ANKRD13C: variants seen among roughly 807,000 people sequenced by gnomAD.
ANKRD13C encodes ankyrin repeat domain-containing protein 13C.
Under a neutral mutation model 65.5 loss-of-function variants are expected in ANKRD13C, and 16 were observed. That is an observed-to-expected ratio of 0.24 (90% CI 0.17 to 0.37). The LOEUF (loss-of-function observed/expected upper bound fraction) is 0.37. Among genes scored for constraint, ANKRD13C ranks in the 10% least tolerant of loss-of-function variants. The pLI is 1.00. For missense variants in ANKRD13C, 503 were observed against 655.9 expected (o/e 0.77, Z 2.55); for synonymous variants, 235 against 238.7 (o/e 0.98, Z 0.14).
At chr1:70,283,754 G>A (rs1210373517) in intron 9 of ANKRD13C, among the ~76,000 whole-genome samples, 1 of 151,974 alleles carries the variant, frequency 6.6e-6, no homozygotes, top group Non-Finnish European at 1.5e-5. Context: ...GTTGCAGTGA[G>A]CTGAGATCAC....
intron 12 of ANKRD13C, among the ~76,000 whole-genome samples, chr1:70,264,459 G>C (rs1395909035): frequency 1.8e-5 from 2 of 110,328 alleles, no homozygotes; most frequent in Non-Finnish European, 3.4e-5. Flanking sequence ...CTGGGGAACA[G>C]AGCAAGACTC....
At chr1:70,309,440 CG>C (rs1431528731) in intron 5 of ANKRD13C, among the ~76,000 whole-genome samples, 1 of 147,884 alleles carries the variant, frequency 6.8e-6, no homozygotes, top group Non-Finnish European at 1.5e-5. Flanking sequence ...AATAATAGGC[CG>C]GGCGCGGTGG....
At chr1:70,273,848 G>T (rs1433217854) in intron 11 of ANKRD13C, among the ~76,000 whole-genome samples, 1 of 151,706 alleles carries the variant, frequency 6.6e-6, no homozygotes, top group Non-Finnish European at 1.5e-5. Flanking sequence ...TAGAGATAGG[G>T]TTTCACCACG....
chr1:70,354,203 G>C lies in ANKRD13C; in HGVS notation c.206C>G (p.Ser69Cys). The C allele has an allele frequency of 6.2e-7, 1 of 1,613,836 alleles. No homozygotes were observed. Among genetic ancestry groups the C allele is most frequent in the Non-Finnish European group, 8.5e-7 (1 of 1,180,036 alleles). The change falls in exon 1 of 13, where the codon TCC (serine) becomes TGC (cysteine). Residue 69 changes from serine (S) to cysteine (C), a missense_variant. Transcript: ENST00000370944. ...AGCCGGGGCGCCGGGGGGATTGGAG[G>C]AGGCCGGAGCTGCCTTCAGCTGTAG... is the stretch of plus-strand genomic sequence containing the variant. ...HRLQLKAAPASSNPPGAPALP... is the reference protein window; with the variant it reads ...HRLQLKAAPACSNPPGAPALP...
At chr1:70,342,406 CG>C (rs1558313847) in intron 1 of ANKRD13C, among the ~76,000 whole-genome samples, 1 of 151,950 alleles carries the variant, frequency 6.6e-6, no homozygotes, top group Non-Finnish European at 1.5e-5. Context: ...GGCATGGTGG[CG>C]CATGCCTATA....
chr1:70,352,921 C>T (rs759214196), intron 1 of ANKRD13C, among the ~76,000 whole-genome samples: 7 of 152,114 alleles, frequency 4.6e-5, no homozygotes, highest in Non-Finnish European at 7.4e-5. Flanking sequence ...AAATCTTACT[C>T]GTTTTTTTTA....
chr1:70,278,664 G>A (rs1679250241), intron 9 of ANKRD13C, among the ~76,000 whole-genome samples: 1 of 151,856 alleles, frequency 6.6e-6, no homozygotes, highest in Admixed American at 6.6e-5. Flanking sequence ...ACATTGAGAG[G>A]GTCTCATTCA....
At chr1:70,297,915 CAAA>C (rs10710510) in intron 7 of ANKRD13C, among the ~76,000 whole-genome samples, 6 of 127,282 alleles carry the variant, frequency 4.7e-5, no homozygotes, top group Non-Finnish European at 6.7e-5. Flanking sequence ...GACTCCATCT[CAAA>C]AAAAAAAAAA....
chr1:70,273,340 G>T (rs371860893), intron 11 of ANKRD13C, among the ~76,000 whole-genome samples: 2 of 152,092 alleles, frequency 1.3e-5, no homozygotes, highest in African/African-American at 2.4e-5. Flanking sequence ...AGAGAAAATC[G>T]CCCAGTGCTT....
chr1:70,298,293 G>C (rs952264409), intron 7 of ANKRD13C, among the ~76,000 whole-genome samples: 2 of 152,034 alleles, frequency 1.3e-5, no homozygotes, highest in African/African-American at 4.8e-5. Flanking sequence ...ATATAAATCA[G>C]AGACTATCTC....
At chr1:70,273,281 T>TA (rs1003033990) in intron 11 of ANKRD13C, among the ~76,000 whole-genome samples, 6 of 151,892 alleles carry the variant, frequency 4.0e-5, no homozygotes, top group African/African-American at 1.5e-4. Context: ...ATTAGGCCGT[T>TA]AAAAAAAATT....
intron 12 of ANKRD13C, among the ~76,000 whole-genome samples, chr1:70,268,809 T>C (rs929276428): frequency 6.6e-6 from 1 of 152,198 alleles, no homozygotes; most frequent in Admixed American, 6.5e-5. Context: ...TAATCAGCAC[T>C]TAAAGCTCTG....
chr1:70,300,749 A>T lies in ANKRD13C; in HGVS notation c.921+15T>A, dbSNP rs1680315805. Reference sequence around the variant, plus strand: ...TTAATGATTTAAAGGAATATTGATAAGACAACATGCTCACCTCATGATGTA... The same window carrying T: ...TTAATGATTTAAAGGAATATTGATATGACAACATGCTCACCTCATGATGTA... On this transcript the variant is annotated intron_variant, in intron 7 of 12. Transcript: ENST00000370944. The T allele has an allele frequency of 6.4e-7, 1 of 1,571,866 alleles. No individual in the cohort carries two copies. Among genetic ancestry groups the T allele is most frequent in the Non-Finnish European group, 8.6e-7 (1 of 1,162,628 alleles).
At chr1:70,267,196 A>G (rs1678666135) in intron 12 of ANKRD13C, among the ~76,000 whole-genome samples, 1 of 151,884 alleles carries the variant, frequency 6.6e-6, no homozygotes, top group Non-Finnish European at 1.5e-5. Context: ...GTCTCTAATA[A>G]TTTTCTTTGC....
chr1:70,325,002 A>T, intron 2 of ANKRD13C, 45 bp from the exon 3 acceptor site: 1 of 1,338,402 alleles, frequency 7.5e-7, no homozygotes, highest in Non-Finnish European at 1.0e-6. Context: ...TGCAATTTTT[A>T]GAATCTCTAA....
chr1:70,260,966 T>A lies in ANKRD13C; in HGVS notation c.*1751A>T, dbSNP rs1201621614. Reference sequence around the variant, plus strand: ...AAGTAAGGGAGCCTAGAAGCAACAGTGATCACTGCCTTTCAGTGTCTCCAA... The same window carrying A: ...AAGTAAGGGAGCCTAGAAGCAACAGAGATCACTGCCTTTCAGTGTCTCCAA... On this transcript the variant is annotated 3_prime_UTR_variant, in exon 13 of 13. Transcript: ENST00000370944. 1 of 152,084 alleles carries A rather than the reference T, an allele frequency of 6.6e-6. No individual in the cohort carries two copies. Among genetic ancestry groups the A allele is most frequent in the Non-Finnish European group, 1.5e-5 (1 of 67,960 alleles). The allele number at this position is 152,084 out of a possible 1,614,324, so 9.4% of individuals were successfully genotyped here.
chr1:70,330,418 C>T (rs1330313736), intron 2 of ANKRD13C, among the ~76,000 whole-genome samples: 1 of 151,254 alleles, frequency 6.6e-6, no homozygotes, highest in Admixed American at 6.6e-5. Flanking sequence ...CTTAGCTGGA[C>T]GTGGTGGCAT....
intron 9 of ANKRD13C, 39 bp downstream of exon 9, chr1:70,292,349 T>C: frequency 6.7e-7 from 1 of 1,494,592 alleles, no homozygotes; most frequent in South Asian, 1.4e-5. Flanking sequence ...TCCCCTCTCT[T>C]CTTAGAAAAC....
intron 1 of ANKRD13C, among the ~76,000 whole-genome samples, chr1:70,342,297 T>C (rs1199092100): frequency 1.3e-5 from 2 of 151,994 alleles, no homozygotes; most frequent in East Asian, 3.9e-4. Flanking sequence ...CCCAGCACTT[T>C]AGGAGGCAGA....
Sources: gnomAD v4.1 joint callset for allele counts (sites outside exome capture counted in the v4.1 genomes callset) on GRCh38, gnomAD v4.1.1 for gene constraint, MANE v1.5 for transcripts, NCBI Gene and HGNC (gene_info 2026-07-23, HGNC 2026-07-21) for gene names.